ITGA8: variants seen among roughly 807,000 people sequenced by gnomAD.
The protein encoded by ITGA8 is integrin subunit alpha 8.
In ITGA8, 91 loss-of-function variants were observed where a neutral mutation model predicts 142.3. That is an observed-to-expected ratio of 0.64 (90% CI 0.54 to 0.76). The LOEUF (loss-of-function observed/expected upper bound fraction) is 0.76, where lower values mean the gene tolerates loss of function less well. Among genes scored for constraint, ITGA8 ranks in the 30% least tolerant of loss-of-function variants. The pLI, the probability that ITGA8 is intolerant of heterozygous loss-of-function variation, is 0.00. For synonymous variants in ITGA8, 505 were observed against 485.2 expected, an observed-to-expected ratio of 1.04 and a Z score of -0.54; for missense variants, 1,406 against 1,327.7, an observed-to-expected ratio of 1.06 and a Z score of -0.92.
intron 2 of ITGA8, among the ~76,000 whole-genome samples, chr10:15,711,299 C>T (rs766729307): frequency 1.3e-5 from 2 of 152,126 alleles, no homozygotes; most frequent in East Asian, 1.9e-4. Context: ...TACTTAGGAG[C>T]GGTGGCCTAT....
rs751999456 is a variant in ITGA8, at chr10:15,606,263, T to C, written c.1902+22A>G. 23 of 1,581,100 alleles carry C rather than the reference T, an allele frequency of 1.5e-5. No individual in the cohort carries two copies. In the Middle Eastern group the frequency reaches 5.0e-4, roughly 35 times the overall value. On this transcript the variant is annotated intron_variant, in intron 18 of 29. Transcript: ENST00000378076. ...AGAGAGCTTGCTTGAGAAAATGCCG[T>C]CAAAGACTGTGAAGGACTTACCTGT...
chr10:15,519,394 A>G lies in ITGA8; in HGVS notation c.3001T>C (p.Trp1001Arg), dbSNP rs1222068464. 6.2e-7 allele frequency: 1 copy of G among 1,613,540 alleles called. No individual in the cohort carries two copies. Among genetic ancestry groups the G allele is most frequent in the African/African-American group, 1.3e-5 (1 of 74,918 alleles). ...GSIVIKTSVI[W>R]ATPNVSFSIP... ...GAGAAGGAAACATTCGGAGTTGCCCAAATAACTGATGTCTTAATCTGAAAT... is the reference window on the plus strand; with the variant it reads ...GAGAAGGAAACATTCGGAGTTGCCCGAATAACTGATGTCTTAATCTGAAAT... Residue 1001 changes from tryptophan to arginine, a missense_variant, in exon 29 of 30, where the codon TGG (tryptophan) becomes CGG (arginine). Transcript: ENST00000378076.
At chr10:15,688,110 T>C in intron 2 of ITGA8, 72 bp from the exon 3 acceptor site, 1 of 1,024,138 alleles carries the variant, frequency 9.8e-7, no homozygotes, top group Non-Finnish European at 1.5e-6. Flanking sequence ...AATAAATTTG[T>C]ACATTAAAAA....
intron 15 of ITGA8, among the ~76,000 whole-genome samples, chr10:15,608,910 TG>T (rs1833245466): frequency 6.6e-6 from 1 of 152,036 alleles, no homozygotes; most frequent in Non-Finnish European, 1.5e-5. Flanking sequence ...TTGCTACAGT[TG>T]GGGTAAGACT....
chr10:15,625,881 G>C (rs1463195690), intron 13 of ITGA8, among the ~76,000 whole-genome samples: 2 of 152,204 alleles, frequency 1.3e-5, no homozygotes, highest in African/African-American at 4.8e-5. Flanking sequence ...GCAAAGAGCA[G>C]CCTATAAAAT....
rs1834548952 is a variant in ITGA8 at position 15,672,728 on chromosome 10, A to T, written c.698T>A (p.Val233Asp). ...TGAGTAATTTGCAATGATATCTGCA[A>T]CACTGGCAGTGATCACTTGTCCTGT... The part of the protein sequence containing the change: ...YWQGQVITAS[V>D]ADIIANYSFK... The change falls in exon 7 of 30, where the codon GTT becomes GAT. Residue 233 changes from valine (V) to aspartate (D), a missense_variant. Physicochemically the swap from Val to Asp is radical, Grantham distance 152 (BLOSUM62 -3). Coordinates refer to ENST00000378076, the MANE Select transcript of ITGA8 (RefSeq NM_003638.3). 8.7e-6 allele frequency: 14 copies of T among 1,611,008 alleles called. No individual in the cohort carries two copies. The highest frequency in any genetic ancestry group is 1.2e-5 in the Non-Finnish European group (14 of 1,178,896).
chr10:15,537,000 G>A (rs1564341337), intron 27 of ITGA8, among the ~76,000 whole-genome samples: 1 of 152,082 alleles, frequency 6.6e-6, no homozygotes, highest in African/African-American at 2.4e-5. Flanking sequence ...GCCTTTTGAG[G>A]TGACAAAACC....
In ITGA8 at chr10:15,551,010, G is replaced by T. The variant is rs1833784480; in HGVS notation, c.2767-2442C>A. Among the ~76,000 whole-genome samples the T allele has an allele frequency of 1.3e-5, 2 of 152,098 alleles. 1 individual carries two copies. The highest frequency in any genetic ancestry group is 4.1e-4 in the South Asian group (2 of 4,822). On this transcript the variant is annotated intron_variant, in intron 26 of 29. Coordinates refer to ENST00000378076, the MANE Select transcript of ITGA8 (RefSeq NM_003638.3). ...ATAGAGACATGATGACTACACAGAG[G>T]TTACATGGAGAATGCTCTTTGGAGA...
At position 15,694,190 on chromosome 10, in the gene ITGA8, TATG is replaced by T. The variant is rs1174089042; in HGVS notation, c.344-6155_344-6153del. Among the ~76,000 whole-genome samples the T allele has an allele frequency of 4.2e-5, 6 of 141,768 alleles. No individual in the cohort carries two copies. In the East Asian group the frequency reaches 5.9e-4, roughly 14 times the overall value. The allele number at this position is 141,768 out of a possible 152,430, so 93.0% of individuals were successfully genotyped here. On this transcript the variant is annotated intron_variant, in intron 2 of 29. Coordinates refer to ENST00000378076, the MANE Select transcript of ITGA8 (RefSeq NM_003638.3). ...CATATATCAGATAATATATCATATATATGATAATATATCATATATATGATAACA... is the reference window on the plus strand; with the variant it reads ...CATATATCAGATAATATATCATATATATAATATATCATATATATGATAACA...
chr10:15,656,924 G>A (rs932180603), intron 10 of ITGA8, among the ~76,000 whole-genome samples: 27 of 152,194 alleles, frequency 1.8e-4, no homozygotes, highest in African/African-American at 6.5e-4. Context: ...AACTTTCTGA[G>A]CAGTGTCTGG....
At chr10:15,531,479 A>G (rs900915970) in intron 27 of ITGA8, among the ~76,000 whole-genome samples, 8 of 124,874 alleles carry the variant, frequency 6.4e-5, no homozygotes, top group African/African-American at 2.4e-4. Context: ...AAGACTGTGT[A>G]TAATAAGGTT....
chr10:15,524,849 T>C (rs1265819112), intron 28 of ITGA8, among the ~76,000 whole-genome samples: 1 of 152,194 alleles, frequency 6.6e-6, no homozygotes, highest in Non-Finnish European at 1.5e-5. Context: ...AATATCTATA[T>C]TTGTCTTACA....
intron 15 of ITGA8, among the ~76,000 whole-genome samples, chr10:15,610,955 T>A (rs1480760176): frequency 1.3e-5 from 2 of 152,228 alleles, no homozygotes; most frequent in Non-Finnish European, 2.9e-5. Context: ...GCTGGCTTTT[T>A]TCCCCCTTTT....
In ITGA8 at chr10:15,719,887, C is replaced by T. The variant is rs1588752501; in HGVS notation, c.-116G>A. 2 of 791,172 alleles carry T rather than the reference C, an allele frequency of 2.5e-6. No homozygotes were observed. The highest frequency in any genetic ancestry group is 3.5e-6 in the Non-Finnish European group (2 of 577,470). 49.0% of individuals were successfully genotyped at this position (791,172 alleles called of 1,614,324 possible). On this transcript the variant is annotated 5_prime_UTR_variant, in exon 1 of 30. Coordinates refer to ENST00000378076, the MANE Select transcript of ITGA8 (RefSeq NM_003638.3). Reference sequence around the variant, plus strand: ...CAGCTGCCCGTGTCCCGGGTCGGTGCGCTCGGCGCACCCGTGGTGACAGTG... The same window carrying T: ...CAGCTGCCCGTGTCCCGGGTCGGTGTGCTCGGCGCACCCGTGGTGACAGTG...
intron 8 of ITGA8, among the ~76,000 whole-genome samples, chr10:15,670,683 T>C (rs1834495422): frequency 6.6e-6 from 1 of 152,252 alleles, no homozygotes; most frequent in African/African-American, 2.4e-5. Flanking sequence ...TGATTTGTTC[T>C]CTTTTTTTCT....
At chr10:15,567,283 T>C (rs1341475488) in intron 25 of ITGA8, among the ~76,000 whole-genome samples, 2 of 152,154 alleles carry the variant, frequency 1.3e-5, no homozygotes, top group African/African-American at 4.8e-5. Context: ...TGCAGGACTC[T>C]CCAAACCCTA....
At chr10:15,538,914 A>G (rs1833510463) in intron 27 of ITGA8, among the ~76,000 whole-genome samples, 1 of 150,618 alleles carries the variant, frequency 6.6e-6, no homozygotes, top group Non-Finnish European at 1.5e-5. Context: ...AATTTTATGA[A>G]AGACCCTTCA....
At chr10:15,629,929 C>G (rs1833655026) in intron 13 of ITGA8, among the ~76,000 whole-genome samples, 2 of 151,936 alleles carry the variant, frequency 1.3e-5, no homozygotes, top group East Asian at 3.9e-4. Context: ...CTTAAACAAA[C>G]AACAATAAAA....
At chr10:15,622,263 C>A (rs759724021) in intron 13 of ITGA8, among the ~76,000 whole-genome samples, 3 of 152,148 alleles carry the variant, frequency 2.0e-5, no homozygotes, top group Non-Finnish European at 4.4e-5. Context: ...GCTAAGTCAC[C>A]TTCCTCCTGC....
Sources: allele counts gnomAD v4.1 joint callset (sites outside exome capture counted in the v4.1 genomes callset), GRCh38; gene constraint gnomAD v4.1.1; transcripts MANE v1.5; gene names NCBI Gene and HGNC (gene_info 2026-07-23, HGNC 2026-07-21).